NCOR2: variants seen among roughly 807,000 people sequenced by gnomAD.
NCOR2 encodes the protein CTG repeat protein 26.
NCOR2 carries 81 observed loss-of-function variants against 262.9 expected under a neutral mutation model. The observed-to-expected ratio is 0.31, with a 90% CI of 0.26 to 0.37. The LOEUF (loss-of-function observed/expected upper bound fraction) is 0.37, where lower values mean the gene tolerates loss of function less well. Ranked by LOEUF, NCOR2 falls within the 10% of genes least tolerant of loss-of-function variation. NCOR2 has a pLI of 1.00. For missense variants in NCOR2, 3,385 were observed against 3,621.4 expected, an observed-to-expected ratio of 0.93 and a Z score of 1.68; for synonymous variants, 1,659 against 1,559.3, an observed-to-expected ratio of 1.06 and a Z score of -1.51.
At chr12:124,372,492 G>C in exon 20 of NCOR2, 1 of 1,582,130 alleles carries the variant, frequency 6.3e-7, no homozygotes. Flanking sequence ...GTGGCCCTGG[G>C]GGTGGCCCGT....
chr12:124,422,366 G>A (rs2043256714), intron 12 of NCOR2, 135 bp downstream of exon 14: 3 of 975,696 alleles, frequency 3.1e-6, no homozygotes, highest in Non-Finnish European at 4.7e-6. Context: ...GAGGGAGGAG[G>A]GGAGCATGGC....
In NCOR2 at chr12:124,565,468, G is replaced by A. The variant is rs74960650; in HGVS notation, c.-165+1840C>T. Among the ~76,000 whole-genome samples the A allele has an allele frequency of 8.1e-3, 1,234 of 152,176 alleles. 61 individuals are homozygous for A. In the East Asian group the frequency reaches 0.12, roughly 15 times the overall value. On this transcript the variant is annotated intron_variant, in intron 1 of 32. Coordinates refer to the NCOR2 transcript ENST00000458234. Reference sequence around the variant, plus strand: ...CTCAGTCTTTGCATCTGTTCAATGGGCGGGGGCACCTGCCCTTCTCCATCC... The same window carrying A: ...CTCAGTCTTTGCATCTGTTCAATGGACGGGGGCACCTGCCCTTCTCCATCC...
At chr12:124,374,561 G>T in intron 18 of NCOR2, 98 bp from the exon 21 acceptor site, 3 of 1,153,248 alleles carry the variant, frequency 2.6e-6, no homozygotes, top group Non-Finnish European at 3.8e-6. Context: ...GAAGCCCAGT[G>T]CACAGCAGTG....
intron 37 of NCOR2, 112 bp downstream of exon 39, chr12:124,339,894 C>A: frequency 3.9e-5 from 13 of 335,802 alleles, no homozygotes; most frequent in South Asian, 1.1e-4. Flanking sequence ...CACACATCTG[C>A]CCACCCACCC....
At chr12:124,331,966 G>A (rs960225189) in intron 43 of NCOR2, 64 of 259,668 alleles carry the variant, frequency 2.5e-4, no homozygotes, top group African/African-American at 1.3e-3. Context: ...CAGCAACCAC[G>A]TCAATGGGTG....
chr12:124,397,548 CCCA>C (rs1435147743), intron 16 of NCOR2, among the ~76,000 whole-genome samples: 1 of 152,212 alleles, frequency 6.6e-6, no homozygotes, highest in African/African-American at 2.4e-5. Context: ...GTGAGCCACT[CCCA>C]CGACTGTCCC....
At chr12:124,525,907 A>C (rs570757067) in intron 1 of NCOR2, among the ~76,000 whole-genome samples, 1 of 152,362 alleles carries the variant, frequency 6.6e-6, no homozygotes, top group South Asian at 2.1e-4. Context: ...CTACTTTCTA[A>C]GGCTGCTGCA....
intron 32 of NCOR2, among the ~76,000 whole-genome samples, chr12:124,344,229 C>G (rs2036725680): frequency 6.6e-6 from 1 of 152,238 alleles, no homozygotes; most frequent in African/African-American, 2.4e-5. Context: ...AGGGCCCCAA[C>G]AGGCAGGCGC....
chr12:124,355,806 GC>G (rs2037903767), intron 23 of NCOR2, among the ~76,000 whole-genome samples: 1 of 152,164 alleles, frequency 6.6e-6, no homozygotes, highest in Non-Finnish European at 1.5e-5. Flanking sequence ...CCTGATCCAA[GC>G]GCCCTCAACT....
Position 124,473,147 on chromosome 12 carries a change from A to G in NCOR2, c.412-16T>C. 6.2e-7 allele frequency: 1 copy of G among 1,613,354 alleles called. No homozygotes were observed. Among genetic ancestry groups the G allele is most frequent in the South Asian group, 1.1e-5 (1 of 91,046 alleles). On this transcript the variant is annotated splice_polypyrimidine_tract_variant and intron_variant, in intron 3 of 46. Coordinates refer to ENST00000405201, the Ensembl canonical transcript of NCOR2. ...GGCTACGGTCCTGTGGCAGAAAAAA[A>G]ACGGGCATGGGGTCAGCACAGGGGA...
At chr12:124,412,148 C>G (rs1050903270) in intron 13 of NCOR2, among the ~76,000 whole-genome samples, 3 of 152,262 alleles carry the variant, frequency 2.0e-5, no homozygotes, top group Admixed American at 2.0e-4. Context: ...GCACACAGCG[C>G]GGGTCTGAGT....
intron 1 of NCOR2, among the ~76,000 whole-genome samples, chr12:124,559,635 G>A (rs191952219): frequency 6.6e-6 from 1 of 152,268 alleles, no homozygotes; most frequent in Admixed American, 6.5e-5. Flanking sequence ...CTCAAGAACT[G>A]AGACAACTCT....
chr12:124,340,031 C>T, exon 37 of NCOR2: 1 of 1,612,572 alleles, frequency 6.2e-7, no homozygotes, highest in Non-Finnish European at 8.5e-7. Context: ...GTGCTGGGCT[C>T]CACAGCGGTG....
exon 13 of NCOR2, chr12:124,419,982 C>T: frequency 6.2e-7 from 1 of 1,614,038 alleles, no homozygotes; most frequent in Non-Finnish European, 8.5e-7. Flanking sequence ...GCGCCGATAG[C>T]TCCGTCTCAC....
At chr12:124,394,106 G>A (rs1472103325) in intron 16 of NCOR2, among the ~76,000 whole-genome samples, 1 of 152,258 alleles carries the variant, frequency 6.6e-6, no homozygotes, top group Non-Finnish European at 1.5e-5. Flanking sequence ...GACTCTGCAG[G>A]AGGCACAGCT....
At chr12:124,439,470 G>T (rs1175489142) in intron 7 of NCOR2, among the ~76,000 whole-genome samples, 1 of 150,128 alleles carries the variant, frequency 6.7e-6, no homozygotes, top group African/African-American at 2.5e-5. Flanking sequence ...CCCAGAGAGA[G>T]GGAGACAGAG....
rs951297602 is a variant in NCOR2 at position 124,483,532 on chromosome 12, C to T, written c.411+64G>A. 4.0e-5 allele frequency: 58 copies of T among 1,457,778 alleles called. No individual in the cohort carries two copies. The African/African-American group carries it at 7.4e-4, about 19-fold the overall frequency. 90.3% of individuals were successfully genotyped at this position (1,457,778 alleles called of 1,614,324 possible). ...TGCACCCCTACCCACCACCTCCCAC[C>T]CAGCCCAACCAGCAGCAGAACCTCA... On this transcript the variant is annotated intron_variant, in intron 3 of 46. Transcript: ENST00000405201. The surrounding 1 kb of genome is among the most constrained non-coding windows in gnomAD (Gnocchi z 6.3).
Position 124,530,557 on chromosome 12 carries a change from T to A in NCOR2, c.-118+5008A>T, listed in dbSNP as rs771636738. On this transcript the variant is annotated intron_variant, in intron 1 of 46. Coordinates refer to the NCOR2 transcript ENST00000404621. Reference sequence around the variant, plus strand: ...CAGGGACTATTTCCTCACTTCTAAATCAGTCTGCTGGTTCCTAAACTGGCC... The same window carrying A: ...CAGGGACTATTTCCTCACTTCTAAAACAGTCTGCTGGTTCCTAAACTGGCC... 7.9e-5 allele frequency among the ~76,000 whole-genome samples: 12 copies of A among 152,196 alleles called. 1 individual carries two copies. The highest frequency in any genetic ancestry group is 1.5e-4 in the Non-Finnish European group (10 of 68,036).
intron 18 of NCOR2, among the ~76,000 whole-genome samples, chr12:124,376,280 G>A (rs1024476075): frequency 4.6e-5 from 7 of 152,340 alleles, no homozygotes; most frequent in South Asian, 4.1e-4. Context: ...TCCCTACGGG[G>A]CTACGTAAGC....
Sources: gnomAD v4.1 joint callset for allele counts (sites outside exome capture counted in the v4.1 genomes callset) on GRCh38, gnomAD v4.1.1 for gene constraint, Gnocchi (gnomAD v3.1) non-coding constraint, MANE v1.5 for transcripts, NCBI Gene and HGNC (gene_info 2026-07-23, HGNC 2026-07-21) for gene names.